Variants in PRKAR2B observed in about 807,000 individuals in gnomAD.
PRKAR2B encodes the protein cAMP-dependent protein kinase type II-beta regulatory subunit.
In PRKAR2B, 14 loss-of-function variants were observed where a neutral mutation model predicts 49.9. The observed-to-expected ratio is 0.28, with a 90% CI of 0.19 to 0.44. PRKAR2B has a LOEUF of 0.44. Ranked by LOEUF, PRKAR2B falls within the 20% of genes least tolerant of loss-of-function variation. PRKAR2B has a pLI of 1.00. For missense variants in PRKAR2B, 393 were observed against 537.9 expected (o/e 0.73, Z 2.67); for synonymous variants, 196 against 197.7 (o/e 0.99, Z 0.07).
intron 1 of PRKAR2B, among the ~76,000 whole-genome samples, chr7:107,062,274 CTG>C (rs1794040475): frequency 1.3e-5 from 2 of 152,002 alleles, no homozygotes; most frequent in Non-Finnish European, 2.9e-5. Context: ...AAGCACAAGA[CTG>C]GAAGTTTTTT....
At chr7:107,050,165 G>A (rs1277841910) in intron 1 of PRKAR2B, among the ~76,000 whole-genome samples, 1 of 151,932 alleles carries the variant, frequency 6.6e-6, no homozygotes, top group Admixed American at 6.6e-5. Context: ...AAAGGGGGAG[G>A]GAGAGAGCAA....
chr7:107,112,578 TA>T (rs1157657228), intron 2 of PRKAR2B, among the ~76,000 whole-genome samples: 48 of 152,302 alleles, frequency 3.2e-4, no homozygotes, highest in African/African-American at 9.9e-4. Flanking sequence ...ATCTTATTTT[TA>T]TTTTTTTAAA....
At chr7:107,143,266 T>A (rs1204215886) in intron 5 of PRKAR2B, among the ~76,000 whole-genome samples, 1 of 152,208 alleles carries the variant, frequency 6.6e-6, no homozygotes, top group Non-Finnish European at 1.5e-5. Context: ...AATCTGAAAT[T>A]CTCCAAACTC....
intron 3 of PRKAR2B, among the ~76,000 whole-genome samples, chr7:107,125,827 G>T (rs914269074): frequency 6.6e-6 from 1 of 152,074 alleles, no homozygotes; most frequent in Non-Finnish European, 1.5e-5. Context: ...AGCGGCTCAT[G>T]CCTGTAATCT....
At chr7:107,077,354 A>T (rs925095551) in intron 2 of PRKAR2B, 8 of 152,228 alleles carry the variant, frequency 5.3e-5, no homozygotes, top group Non-Finnish European at 1.2e-4. Context: ...GAAGCTGATG[A>T]TGACTCATAG....
chr7:107,126,087 T>TAAA (rs34333619), intron 3 of PRKAR2B, among the ~76,000 whole-genome samples: 5,106 of 82,034 alleles, frequency 0.062, 242 homozygotes, highest in Middle Eastern at 0.11. Flanking sequence ...GACTGTGTCT[T>TAAA]AAAAAAAAAA....
At chr7:107,061,820 C>T (rs1261865579) in intron 1 of PRKAR2B, among the ~76,000 whole-genome samples, 3 of 152,032 alleles carry the variant, frequency 2.0e-5, no homozygotes, top group Admixed American at 6.6e-5. Flanking sequence ...TCGGTTGAAC[C>T]GGGATGGCGA....
chr7:107,109,405 A>G (rs1322147439), intron 2 of PRKAR2B, among the ~76,000 whole-genome samples: 3 of 147,580 alleles, frequency 2.0e-5, no homozygotes, highest in South Asian at 4.3e-4. Context: ...GACTACAGGC[A>G]GGCACCACCA....
At chr7:107,120,985 A>T (rs1795376140) in intron 2 of PRKAR2B, among the ~76,000 whole-genome samples, 1 of 150,902 alleles carries the variant, frequency 6.6e-6, no homozygotes, top group South Asian at 2.1e-4. Context: ...TAAATAATTT[A>T]AAATTTTTTT....
chr7:107,070,279 A>T lies in PRKAR2B; in HGVS notation c.308-2A>T. 6.2e-7 allele frequency: 1 copy of T among 1,606,350 alleles called. No individual in the cohort carries two copies. Among genetic ancestry groups the T allele is most frequent in the African/African-American group, 1.3e-5 (1 of 74,790 alleles). On this transcript the variant is annotated splice_acceptor_variant, in intron 1 of 10. Transcript: ENST00000265717. LOFTEE classifies it high-confidence loss of function. ...ATCATATTATTCTGCTTTTTCTTTT[A>T]GCTCCAGTAATAAACCGATTCACAA...
intron 1 of PRKAR2B, among the ~76,000 whole-genome samples, chr7:107,061,538 A>G (rs1794026943): frequency 1.3e-5 from 2 of 152,226 alleles, no homozygotes; most frequent in Non-Finnish European, 2.9e-5. Context: ...AATATATAAC[A>G]GGAACTGGTA....
intron 5 of PRKAR2B, among the ~76,000 whole-genome samples, chr7:107,144,146 G>A (rs567853949): frequency 1.1e-4 from 17 of 151,392 alleles, no homozygotes; most frequent in South Asian, 2.1e-4. Context: ...GTGCAGTGGC[G>A]CAATCTCAGC....
At chr7:107,052,171 C>A (rs1793818667) in intron 1 of PRKAR2B, among the ~76,000 whole-genome samples, 1 of 152,152 alleles carries the variant, frequency 6.6e-6, no homozygotes, top group South Asian at 2.1e-4. Flanking sequence ...TAATTCCCAG[C>A]ACTCTGGGAG....
chr7:107,073,230 A>G (rs1291540476), intron 2 of PRKAR2B, among the ~76,000 whole-genome samples: 1 of 152,182 alleles, frequency 6.6e-6, no homozygotes, highest in East Asian at 1.9e-4. Context: ...TATGAAGGTG[A>G]GAGGAATATT....
chr7:107,049,924 G>A (rs967385896), intron 1 of PRKAR2B, among the ~76,000 whole-genome samples: 2 of 152,094 alleles, frequency 1.3e-5, no homozygotes, highest in Non-Finnish European at 2.9e-5. Context: ...TTTTAGTTAT[G>A]AGCATAAAAC....
rs143374234 is a variant in PRKAR2B, at chr7:107,071,310, T to A, written c.343+994T>A. On this transcript the variant is annotated intron_variant, in intron 2 of 10. Transcript: ENST00000265717. ...TATTAAAGACATTTTAATGTTGAATTTTATTTTTGATTTGTCAGCAGTTAC... is the reference window on the plus strand; with the variant it reads ...TATTAAAGACATTTTAATGTTGAATATTATTTTTGATTTGTCAGCAGTTAC... Among the ~76,000 whole-genome samples the A allele has an allele frequency of 3.4e-4, 52 of 152,340 alleles. No homozygotes were observed. In the Middle Eastern group the frequency reaches 0.02, roughly 60 times the overall value.
intron 2 of PRKAR2B, among the ~76,000 whole-genome samples, chr7:107,107,203 G>A (rs1019928609): frequency 1.3e-5 from 2 of 152,116 alleles, no homozygotes; most frequent in African/African-American, 2.4e-5. Flanking sequence ...CAGGCATGGT[G>A]GTGGGCACCT....
Position 107,045,200 on chromosome 7 carries a change from C to T in PRKAR2B, c.293C>T (p.Ala98Val), listed in dbSNP as rs891292930. ...GAGGAGGAGGCGGCGCCCGCGGACG[C>T]AGGGGCGTTCAATGGTGAGGACCAG... The part of the protein sequence containing the change: ...GEEEEAAPAD[A>V]GAFNAPVINR... Residue 98 changes from alanine (A) to valine (V), a missense_variant, in exon 1 of 11, where the codon GCA becomes GTA. This residue lies in a region of PRKAR2B where 160 missense variants were observed against 147.6 expected (regional missense o/e 1.08). Coordinates refer to ENST00000265717, the MANE Select transcript of PRKAR2B (RefSeq NM_002736.3). The T allele has an allele frequency of 6.9e-7, 1 of 1,457,750 alleles. No homozygotes were observed. The highest frequency in any genetic ancestry group is 9.0e-7 in the Non-Finnish European group (1 of 1,106,224). The allele number at this position is 1,457,750 out of a possible 1,614,324, so 90.3% of individuals were successfully genotyped here. A position where few individuals can be genotyped will look rare whatever the true frequency, so the allele number is the denominator to read the frequency against.
intron 2 of PRKAR2B, among the ~76,000 whole-genome samples, chr7:107,079,277 T>G (rs1193006618): frequency 6.6e-6 from 1 of 152,130 alleles, no homozygotes; most frequent in Non-Finnish European, 1.5e-5. Context: ...CAATATCAAA[T>G]TGCTATAATT....
Sources: gnomAD v4.1 joint callset for allele counts (sites outside exome capture counted in the v4.1 genomes callset) on GRCh38, gnomAD v4.1.1 for gene constraint, gnomAD v4.1.1 regional missense constraint, MANE v1.5 for transcripts, NCBI Gene and HGNC (gene_info 2026-07-23, HGNC 2026-07-21) for gene names.